The following GZF1 variants were observed in gnomAD, a reference collection of about 807,000 sequenced individuals.
The protein encoded by GZF1 is GDNF-inducible zinc finger protein 1.
Under a neutral mutation model 49.4 loss-of-function variants are expected in GZF1, and 28 were observed. That is an observed-to-expected ratio of 0.57 (90% CI 0.42 to 0.78). The LOEUF (loss-of-function observed/expected upper bound fraction) is 0.78. Among genes scored for constraint, GZF1 ranks in the 30% least tolerant of loss-of-function variants. The pLI is 0.00. For missense variants in GZF1, 798 were observed against 916.2 expected, an observed-to-expected ratio of 0.87 and a Z score of 1.67; for synonymous variants, 364 against 356.0, an observed-to-expected ratio of 1.02 and a Z score of -0.25.
rs1019217104 is a variant in GZF1, at chr20:23,371,074, A to G, written c.*633A>G. On this transcript the variant is annotated 3_prime_UTR_variant, in exon 6 of 6. Coordinates refer to ENST00000338121, the MANE Select transcript of GZF1 (RefSeq NM_022482.5). ...ATGACTGACAGATTGAACACCTGCA[A>G]AACTGCTAGCGTAATCTCAGCACAT... 6.5e-6 allele frequency: 1 copy of G among 152,890 alleles called. No homozygotes were observed. The highest frequency in any genetic ancestry group is 2.4e-5 in the African/African-American group (1 of 41,462). The allele number at this position is 152,890 out of a possible 1,614,324, so 9.5% of individuals were successfully genotyped here. A position where few individuals can be genotyped will look rare whatever the true frequency, so the allele number is the denominator to read the frequency against.
At chr20:23,367,965 C>CATTAGACACCACATCTGTGTG in intron 3 of GZF1, among the ~76,000 whole-genome samples, 1 of 152,326 alleles carries the variant, frequency 6.6e-6, no homozygotes, top group Middle Eastern at 3.4e-3. Context: ...GTCTCTGACT[C>CATTAGACACCACATCTGTGTG]ATTAGACACC....
At position 23,364,415 on chromosome 20, in the gene GZF1, A is replaced by C. The variant is rs148101388; in HGVS notation, c.32A>C (p.Lys11Thr). The change falls in exon 2 of 6, where the codon AAA (lysine) becomes ACA (threonine). Residue 11 changes from lysine to threonine, a missense_variant. By Grantham distance (78) the Lys-to-Thr change is moderately conservative. Around this residue, in one of 3 missense-constraint regions of GZF1, gnomAD observed 105 missense variants for 147.5 expected, o/e 0.71. Transcript: ENST00000338121. MESGAVLLESKSSPFNLLHEM... is the reference protein window; with the variant it reads MESGAVLLESTSSPFNLLHEM... ...AGCGGTGCAGTTCTGCTGGAATCCA[A>C]ATCCTCCCCATTTAACCTACTGCAT... is the stretch of plus-strand genomic sequence containing the variant. The C allele has an allele frequency of 3.2e-5, 51 of 1,602,794 alleles. 1 individual carries two copies. The East Asian group carries it at 1.0e-3, about 32-fold the overall frequency.
In GZF1 at chr20:23,370,088, T is replaced by C. The variant is rs377344647; in HGVS notation, c.1786-3T>C. The C allele has an allele frequency of 5.1e-5, 82 of 1,611,268 alleles. No individual in the cohort carries two copies. Among genetic ancestry groups the C allele is most frequent in the Non-Finnish European group, 6.1e-5 (72 of 1,177,484 alleles). On this transcript the variant is annotated splice_polypyrimidine_tract_variant and splice_region_variant and intron_variant, in intron 5 of 5. Coordinates refer to ENST00000338121, the MANE Select transcript of GZF1 (RefSeq NM_022482.5). Reference sequence around the variant, plus strand: ...TGACCTTTGTTTTGTGTTTAACTTATAGATACACGATAAGAATACTCCATG... The same window carrying C: ...TGACCTTTGTTTTGTGTTTAACTTACAGATACACGATAAGAATACTCCATG...
Position 23,365,505 on chromosome 20 carries a change from G to C in GZF1, c.1122G>C (p.Glu374Asp). The change falls in exon 2 of 6, where the codon GAG (glutamate) becomes GAC (aspartate). Residue 374 changes from glutamate to aspartate, a missense_variant. This residue lies in a region of GZF1 where 446 missense variants were observed against 540.1 expected (regional missense o/e 0.83). Coordinates refer to ENST00000338121, the MANE Select transcript of GZF1 (RefSeq NM_022482.5). Reference protein sequence around the residue: ...KSHQRHVHSSERHFPCELCGK... With the variant: ...KSHQRHVHSSDRHFPCELCGK... Reference sequence around the variant, plus strand: ...ACCAGCGCCACGTGCACAGCAGCGAGCGCCATTTCCCATGCGAGCTGTGCG... The same window carrying C: ...ACCAGCGCCACGTGCACAGCAGCGACCGCCATTTCCCATGCGAGCTGTGCG... 1.9e-6 allele frequency: 3 copies of C among 1,613,826 alleles called. No homozygotes were observed. In the Admixed American group the frequency reaches 5.0e-5, roughly 27 times the overall value.
At chr20:23,368,670 G>C in intron 3 of GZF1, 92 bp from the exon 4 acceptor site, 1 of 825,076 alleles carries the variant, frequency 1.2e-6, no homozygotes, top group Non-Finnish European at 1.8e-6. Flanking sequence ...AGGCACTTTT[G>C]AGTTCACGTG....
Position 23,365,024 on chromosome 20 carries a change from C to G in GZF1, c.641C>G (p.Pro214Arg). ...KLDKKKEVVK[P>R]PYPKIRRASG... is the part of the protein sequence containing the mutation. ...GACAAGAAGAAAGAGGTAGTTAAAC[C>G]TCCCTACCCTAAAATCAGGAGAGCT... is the stretch of plus-strand genomic sequence containing the variant. The change falls in exon 2 of 6, where the codon CCT becomes CGT. Residue 214 changes from proline to arginine, a missense_variant. Pro to Arg is a moderately radical substitution (Grantham distance 103). This residue lies in a region of GZF1 where 247 missense variants were observed against 228.5 expected (regional missense o/e 1.08). Transcript: ENST00000338121. 1 of 1,614,182 alleles carries G rather than the reference C, an allele frequency of 6.2e-7. No homozygotes were observed.
rs62208020 is a variant in GZF1 at position 23,372,497 on chromosome 20, C to G, written c.*2056C>G. ...CCTCTGCTCATGCGCAGGCCACAAC[C>G]GGGCTGGAAGTGCGGTTGAGCTCTC... On this transcript the variant is annotated 3_prime_UTR_variant, in exon 6 of 6. Transcript: ENST00000338121. 1.3e-5 allele frequency: 2 copies of G among 152,206 alleles called. No individual in the cohort carries two copies. The highest frequency in any genetic ancestry group is 3.8e-4 in the East Asian group (2 of 5,198). 9.4% of individuals were successfully genotyped at this position (152,206 alleles called of 1,614,324 possible).
At position 23,371,751 on chromosome 20, in the gene GZF1, T is replaced by C. The variant is rs767270276; in HGVS notation, c.*1310T>C. 3 of 152,280 alleles carry C rather than the reference T, an allele frequency of 2.0e-5. No homozygotes were observed. The highest frequency in any genetic ancestry group is 4.4e-5 in the Non-Finnish European group (3 of 68,034). The allele number at this position is 152,280 out of a possible 1,614,324, so 9.4% of individuals were successfully genotyped here. On this transcript the variant is annotated 3_prime_UTR_variant, in exon 6 of 6. Transcript: ENST00000338121. Reference sequence around the variant, plus strand: ...AGGGAACCTTGGAGAATTCTTTTGTTCACTAGTTCCTTTTTTCTCTACATT... The same window carrying C: ...AGGGAACCTTGGAGAATTCTTTTGTCCACTAGTTCCTTTTTTCTCTACATT...
At position 23,368,829 on chromosome 20, in the gene GZF1, C is replaced by T. The variant is rs143976571; in HGVS notation, c.1527C>T (p.His509=). 24 of 1,613,708 alleles carry T rather than the reference C, an allele frequency of 1.5e-5. No individual in the cohort carries two copies. The highest frequency in any genetic ancestry group is 1.8e-5 in the Non-Finnish European group (21 of 1,179,822). The part of the protein sequence containing the change: ...SFASKEYLKH[H]NRIHTGSKPF... ...CTTCTAAGGAGTACTTAAAACACCA[C>T]AATAGAATCCATACTGGATCCAAAC... The change falls in exon 4 of 6, where the codon CAC becomes CAT. Residue 509 remains histidine, a synonymous_variant. Coordinates refer to ENST00000338121, the MANE Select transcript of GZF1 (RefSeq NM_022482.5).
Position 23,367,012 on chromosome 20 carries a change from A to G in GZF1, c.1374A>G (p.Thr458=). The change falls in exon 3 of 6, where the codon ACA becomes ACG. Residue 458 remains threonine, a synonymous_variant. Transcript: ENST00000338121. The part of the protein sequence containing the change: ...SALKTHMRIH[T]GEKPFVCDEC... Reference sequence around the variant, plus strand: ...AATGTTGTACTTTCAGAATTCATACAGGGGAAAAACCTTTTGTCTGTGATG... The same window carrying G: ...AATGTTGTACTTTCAGAATTCATACGGGGGAAAAACCTTTTGTCTGTGATG... 3 of 1,609,774 alleles carry G rather than the reference A, an allele frequency of 1.9e-6. No individual in the cohort carries two copies. The highest frequency in any genetic ancestry group is 2.5e-6 in the Non-Finnish European group (3 of 1,176,490).
chr20:23,361,711 C>T (rs1980677215), upstream of GZF1, among the ~76,000 whole-genome samples: 1 of 152,218 alleles, frequency 6.6e-6, no homozygotes, highest in African/African-American at 2.4e-5. Flanking sequence ...CTCGCGTGGC[C>T]ACCGTGCCCT....
In GZF1 at chr20:23,372,094, C is replaced by G. The variant is rs992228398; in HGVS notation, c.*1653C>G. ...ATACATCCAGAGGAGACCGAACCTG[C>G]CCAGCTGATGTACTGTTTTATGGAA... On this transcript the variant is annotated 3_prime_UTR_variant, in exon 6 of 6. Coordinates refer to ENST00000338121, the MANE Select transcript of GZF1 (RefSeq NM_022482.5). The G allele has an allele frequency of 1.3e-5, 2 of 152,554 alleles. No homozygotes were observed. The highest frequency in any genetic ancestry group is 1.5e-5 in the Non-Finnish European group (1 of 68,034). 9.5% of individuals were successfully genotyped at this position (152,554 alleles called of 1,614,324 possible). A position where few individuals can be genotyped will look rare whatever the true frequency, so the allele number is the denominator to read the frequency against.
rs866030971 is a variant in GZF1 at position 23,364,372 on chromosome 20, G to A, written c.-12G>A. The A allele has an allele frequency of 6.5e-7, 1 of 1,536,582 alleles. No individual in the cohort carries two copies. The highest frequency in any genetic ancestry group is 8.8e-7 in the Non-Finnish European group (1 of 1,139,738). On this transcript the variant is annotated 5_prime_UTR_variant, in exon 2 of 6. Transcript: ENST00000338121. ...TGTTTCTTTTTCAAAGCTGTTTTTG[G>A]AAGGAAGAAAGATGGAAAGCGGTGC...
In GZF1 at chr20:23,370,189, GTA is replaced by G. The variant is rs781733847; in HGVS notation, c.1886_1887del (p.Tyr629CysfsTer8). On this transcript the variant is annotated frameshift_variant, in exon 6 of 6. Coordinates refer to ENST00000338121, the MANE Select transcript of GZF1 (RefSeq NM_022482.5). LOFTEE classifies it low-confidence loss of function (END_TRUNC). ...ACAAGACTGAACAGCCTGACGAAGA[GTA>G]TGTGTCATCCAAGCTTTCGGATAAA... Reference protein sequence around the residue: ...GHKTEQPDEEYVSSKLSDKLL... With the variant: ...GHKTEQPDEEXVSSKLSDKLL... 5.4e-5 allele frequency: 87 copies of G among 1,614,094 alleles called. No individual in the cohort carries two copies. Among genetic ancestry groups the G allele is most frequent in the Non-Finnish European group, 7.2e-5 (85 of 1,180,050 alleles).
In GZF1 at chr20:23,370,481, G is replaced by A. The variant is rs1457026133; in HGVS notation, c.*40G>A. ...TCCCATCCTGTTAGTCTGCGTGTGT[G>A]GTAGCTGAACTCAAGATGATGTGGG... On this transcript the variant is annotated 3_prime_UTR_variant, in exon 6 of 6. Transcript: ENST00000338121. 2 of 1,292,122 alleles carry A rather than the reference G, an allele frequency of 1.5e-6. No homozygotes were observed. The highest frequency in any genetic ancestry group is 2.5e-5 in the South Asian group (2 of 81,074). The allele number at this position is 1,292,122 out of a possible 1,614,324, so 80.0% of individuals were successfully genotyped here. A position where few individuals can be genotyped will look rare whatever the true frequency, so the allele number is the denominator to read the frequency against.
intron 2 of GZF1, among the ~76,000 whole-genome samples, chr20:23,366,484 AC>A (rs1290149885): frequency 1.3e-5 from 2 of 152,182 alleles, no homozygotes; most frequent in African/African-American, 2.4e-5. Flanking sequence ...GCTACTTCAT[AC>A]TAGTTGTGAC....
rs1163860369 is a variant in GZF1, at chr20:23,371,382, C to G, written c.*941C>G. 1 of 152,588 alleles carries G rather than the reference C, an allele frequency of 6.6e-6. No homozygotes were observed. Among genetic ancestry groups the G allele is most frequent in the Non-Finnish European group, 1.5e-5 (1 of 68,040 alleles). 9.5% of individuals were successfully genotyped at this position (152,588 alleles called of 1,614,324 possible). On this transcript the variant is annotated 3_prime_UTR_variant, in exon 6 of 6. Transcript: ENST00000338121. ...ACTTGATTTCTGTAATTTCCAGAAA[C>G]CCAGACTTCTCATTTCCACACCTAG...
upstream of GZF1, chr20:23,362,035 G>T (rs1332812424): frequency 1.3e-5 from 2 of 152,260 alleles, no homozygotes; most frequent in Admixed American, 6.5e-5. Context: ...TCAGGTAACT[G>T]CCCGAACCGC....
At chr20:23,369,833 G>C (rs1201180369) in intron 5 of GZF1, 92 bp downstream of exon 5, 8 of 1,390,520 alleles carry the variant, frequency 5.8e-6, no homozygotes, top group Non-Finnish European at 6.9e-6. Context: ...AAGGTGGTTA[G>C]AGGTCGAGAC....
Sources: gnomAD v4.1 joint callset for allele counts (sites outside exome capture counted in the v4.1 genomes callset) on GRCh38, gnomAD v4.1.1 for gene constraint, gnomAD v4.1.1 regional missense constraint, MANE v1.5 for transcripts, NCBI Gene and HGNC (gene_info 2026-07-23, HGNC 2026-07-21) for gene names.